DR1: variants seen among roughly 807,000 people sequenced by gnomAD.
The protein encoded by DR1 is down-regulator of transcription 1, also known as protein Dr1.
In DR1, 7 loss-of-function variants were observed where a neutral mutation model predicts 19.9. The ratio of observed to expected loss-of-function variants is 0.35; its 90% CI spans 0.20 to 0.66. DR1 has a LOEUF of 0.66. Among genes scored for constraint, DR1 ranks in the 30% least tolerant of loss-of-function variants. DR1 has a pLI of 0.66. For synonymous variants in DR1, 76 were observed against 72.5 expected (o/e 1.05, Z -0.24); for missense variants, 98 against 203.7 (o/e 0.48, Z 3.16).
At chr1:93,346,993 G>A in intron 1 of DR1, 128 bp downstream of exon 1, 1 of 797,236 alleles carries the variant, frequency 1.3e-6, no homozygotes, top group Non-Finnish European at 2.0e-6. Context: ...AGCCAGACTG[G>A]CATGTAGGCA....
Position 93,362,840 on chromosome 1 carries a change from T to C in DR1, c.*2201T>C, listed in dbSNP as rs1302052291. 2 of 145,628 alleles carry C rather than the reference T, an allele frequency of 1.4e-5. No homozygotes were observed. The highest frequency in any genetic ancestry group is 5.0e-5 in the African/African-American group (2 of 40,024). The allele number at this position is 145,628 out of a possible 1,614,324, so 9.0% of individuals were successfully genotyped here. A position where few individuals can be genotyped will look rare whatever the true frequency, so the allele number is the denominator to read the frequency against. ...TTAGGTTTTTTCTTTTTTTTTTTTT[T>C]TTTTTTTTTTTTTTAGCATTTAAGA... On this transcript the variant is annotated 3_prime_UTR_variant, in exon 3 of 3. Transcript: ENST00000370272.
In DR1 at chr1:93,365,782, G is replaced by A. The variant is rs1403104945; in HGVS notation, c.*5143G>A. ...TTCACATCTGCTGATCCCTTTACCC[G>A]ATAGGACCTAGAGCAGCCATTATAA... On this transcript the variant is annotated 3_prime_UTR_variant, in exon 3 of 3. Transcript: ENST00000370272. The A allele has an allele frequency of 6.6e-6, 1 of 152,236 alleles. No homozygotes were observed. The highest frequency in any genetic ancestry group is 1.9e-4 in the East Asian group (1 of 5,186). The allele number at this position is 152,236 out of a possible 1,614,324, so 9.4% of individuals were successfully genotyped here.
rs934926105 is a variant in DR1, at chr1:93,354,211, C to G, written c.384+140C>G. 5 of 714,368 alleles carry G rather than the reference C, an allele frequency of 7.0e-6. No homozygotes were observed. In the Admixed American group the frequency reaches 9.9e-5, roughly 14 times the overall value. 44.3% of individuals were successfully genotyped at this position (714,368 alleles called of 1,614,324 possible). ...ATAGATTCTGGTGTTCAGAGCTGAC[C>G]AATTTGACTCTGGTTTATGTGAAAG... is the stretch of plus-strand genomic sequence containing the variant. On this transcript the variant is annotated intron_variant, in intron 2 of 2. Coordinates refer to ENST00000370272, the MANE Select transcript of DR1 (RefSeq NM_001938.3).
rs1268622409 is a variant in DR1, at chr1:93,361,709, T to A, written c.*1070T>A. 2.0e-5 allele frequency: 3 copies of A among 152,498 alleles called. No individual in the cohort carries two copies. Among genetic ancestry groups the A allele is most frequent in the African/African-American group, 7.2e-5 (3 of 41,458 alleles). 9.4% of individuals were successfully genotyped at this position (152,498 alleles called of 1,614,324 possible). ...ATTGTCTCCATAATTGAGTGATAGC[T>A]TTAAAAAAAAGATTAGTTTTGCTTA... On this transcript the variant is annotated 3_prime_UTR_variant, in exon 3 of 3. Coordinates refer to ENST00000370272, the MANE Select transcript of DR1 (RefSeq NM_001938.3).
At position 93,365,637 on chromosome 1, in the gene DR1, G is replaced by A. The variant is rs1667118859; in HGVS notation, c.*4998G>A. 6.6e-6 allele frequency: 1 copy of A among 152,198 alleles called. No homozygotes were observed. Among genetic ancestry groups the A allele is most frequent in the African/African-American group, 2.4e-5 (1 of 41,442 alleles). 9.4% of individuals were successfully genotyped at this position (152,198 alleles called of 1,614,324 possible). A position where few individuals can be genotyped will look rare whatever the true frequency, so the allele number is the denominator to read the frequency against. On this transcript the variant is annotated 3_prime_UTR_variant, in exon 3 of 3. Coordinates refer to ENST00000370272, the MANE Select transcript of DR1 (RefSeq NM_001938.3). ...GGAAAGGCTGTGAAACTGAACCTCT[G>A]TTAGAAGCAACACACAGTATCACTG...
At chr1:93,352,726 G>GT (rs1261096569) in intron 1 of DR1, among the ~76,000 whole-genome samples, 6 of 152,056 alleles carry the variant, frequency 3.9e-5, no homozygotes, top group Non-Finnish European at 7.4e-5. Context: ...TTGATTTACT[G>GT]TTTTTTGCCA....
At chr1:93,353,866 G>C in intron 1 of DR1, 42 bp from the exon 2 acceptor site, 1 of 1,526,092 alleles carries the variant, frequency 6.6e-7, no homozygotes, top group Non-Finnish European at 8.8e-7. Flanking sequence ...GGAAAGCTGT[G>C]TTTTATCACC....
At position 93,363,932 on chromosome 1, in the gene DR1, T is replaced by A. The variant is rs1667089483; in HGVS notation, c.*3293T>A. 1 of 152,258 alleles carries A rather than the reference T, an allele frequency of 6.6e-6. No individual in the cohort carries two copies. The highest frequency in any genetic ancestry group is 1.5e-5 in the Non-Finnish European group (1 of 68,044). 9.4% of individuals were successfully genotyped at this position (152,258 alleles called of 1,614,324 possible). On this transcript the variant is annotated 3_prime_UTR_variant, in exon 3 of 3. Coordinates refer to ENST00000370272, the MANE Select transcript of DR1 (RefSeq NM_001938.3). The stretch of plus-strand genomic sequence containing the variant: ...TTTTGAGAATTTTTCAATTCTGAGC[T>A]ATTATGAATAGTACTGTGTAGAACA...
intron 2 of DR1, 93 bp downstream of exon 2, chr1:93,354,164 C>A: frequency 7.9e-7 from 1 of 1,268,268 alleles, no homozygotes. Context: ...CCAGAGGATT[C>A]CCTTTTTCTA....
chr1:93,349,752 G>A (rs1666894769), intron 1 of DR1, among the ~76,000 whole-genome samples: 1 of 152,088 alleles, frequency 6.6e-6, no homozygotes, highest in Non-Finnish European at 1.5e-5. Context: ...TCTCACACTA[G>A]TAGCTTTGTA....
chr1:93,367,384 T>C lies in DR1; in HGVS notation c.*6745T>C, dbSNP rs997168810. 2.0e-5 allele frequency: 3 copies of C among 152,214 alleles called. No individual in the cohort carries two copies. Among genetic ancestry groups the C allele is most frequent in the Non-Finnish European group, 2.9e-5 (2 of 68,038 alleles). The allele number at this position is 152,214 out of a possible 1,614,324, so 9.4% of individuals were successfully genotyped here. ...GCATTTGTATGATTATTATATACTT[T>C]ACAAATTTTCGTTTTACAGTAATTT... On this transcript the variant is annotated 3_prime_UTR_variant, in exon 3 of 3. Coordinates refer to ENST00000370272, the MANE Select transcript of DR1 (RefSeq NM_001938.3).
chr1:93,353,647 TAGTC>T (rs956090729), intron 1 of DR1, among the ~76,000 whole-genome samples: 8 of 152,226 alleles, frequency 5.3e-5, no homozygotes, highest in Non-Finnish European at 8.8e-5. Context: ...TTTTAAAAAT[TAGTC>T]AGAATGAAAA....
chr1:93,359,033 A>G (rs1667024751), intron 2 of DR1, among the ~76,000 whole-genome samples: 1 of 152,234 alleles, frequency 6.6e-6, no homozygotes, highest in Non-Finnish European at 1.5e-5. Context: ...TTTTTGAAGC[A>G]CAAAGTACAT....
chr1:93,359,974 T>G (rs956860032), intron 2 of DR1, among the ~76,000 whole-genome samples: 1 of 152,006 alleles, frequency 6.6e-6, no homozygotes, highest in Non-Finnish European at 1.5e-5. Flanking sequence ...CAGAAAGAAA[T>G]AATGGGGTAG....
Position 93,364,854 on chromosome 1 carries a change from T to TTTTTTTTTTTTTTTTTTTTTCTTTTTTTC in DR1, c.*4232_*4233insTTTCTTTTTTTCTTTTTTTTTTTTTTTTT, listed in dbSNP as rs1667099895. On this transcript the variant is annotated 3_prime_UTR_variant, in exon 3 of 3. Transcript: ENST00000370272. ...TCTTTTTTCTTTTCTTTTCTTTCTT[T>TTTTTTTTTTTTTTTTTTTTTCTTTTTTTC]TTTTTTTTTTTTTTTTTGAGACAGA... 2.3e-5 allele frequency: 1 copy of TTTTTTTTTTTTTTTTTTTTTCTTTTTTTC among 44,168 alleles called. No individual in the cohort carries two copies. The highest frequency in any genetic ancestry group is 4.1e-5 in the African/African-American group (1 of 24,122). The allele number at this position is 44,168 out of a possible 1,614,324, so 2.7% of individuals were successfully genotyped here.
At chr1:93,357,590 C>G (rs1176446462) in intron 2 of DR1, among the ~76,000 whole-genome samples, 1 of 152,076 alleles carries the variant, frequency 6.6e-6, no homozygotes, top group Non-Finnish European at 1.5e-5. Flanking sequence ...ACTTATTCCT[C>G]AAATTTAACT....
At chr1:93,352,024 T>G (rs553853042) in intron 1 of DR1, among the ~76,000 whole-genome samples, 2 of 152,348 alleles carry the variant, frequency 1.3e-5, no homozygotes, top group East Asian at 3.9e-4. Context: ...TAATTACCTG[T>G]TGATTCCTAC....
At position 93,363,350 on chromosome 1, in the gene DR1, C is replaced by T. The variant is rs771456; in HGVS notation, c.*2711C>T. 123,594 of 152,212 alleles carry T rather than the reference C, an allele frequency of 0.81. 50,496 individuals are homozygous for T. The highest frequency in any genetic ancestry group is 0.97 in the East Asian group (5,027 of 5,184). The allele number at this position is 152,212 out of a possible 1,614,324, so 9.4% of individuals were successfully genotyped here. On this transcript the variant is annotated 3_prime_UTR_variant, in exon 3 of 3. Transcript: ENST00000370272. ...AGTTTCTTGTTGCCACTGTAACAAACTACCACAAACTTAGTGACTTAAAAC... is the reference window on the plus strand; with the variant it reads ...AGTTTCTTGTTGCCACTGTAACAAATTACCACAAACTTAGTGACTTAAAAC...
chr1:93,361,047 G>GGC lies in DR1; in HGVS notation c.*409_*410insCG, dbSNP rs200476160. 1 of 165,018 alleles carries GGC rather than the reference G, an allele frequency of 6.1e-6. No individual in the cohort carries two copies. The highest frequency in any genetic ancestry group is 1.3e-5 in the Non-Finnish European group (1 of 77,330). The allele number at this position is 165,018 out of a possible 1,614,324, so 10.2% of individuals were successfully genotyped here. A position where few individuals can be genotyped will look rare whatever the true frequency, so the allele number is the denominator to read the frequency against. ...CTTGTGAATTTTAAATTATTAAGGG[G>GGC]GGGGTGCTGTGTGAATCAGTAGACA... is the stretch of plus-strand genomic sequence containing the variant. On this transcript the variant is annotated 3_prime_UTR_variant, in exon 3 of 3. Coordinates refer to ENST00000370272, the MANE Select transcript of DR1 (RefSeq NM_001938.3).
Sources: allele counts gnomAD v4.1 joint callset (sites outside exome capture counted in the v4.1 genomes callset), GRCh38; gene constraint gnomAD v4.1.1; transcripts MANE v1.5; gene names NCBI Gene and HGNC (gene_info 2026-07-23, HGNC 2026-07-21).